Variants in CLEC16A observed in about 807,000 individuals in gnomAD.
CLEC16A encodes protein CLEC16A.
In CLEC16A, 51 loss-of-function variants were observed where a neutral mutation model predicts 109.5. The ratio of observed to expected loss-of-function variants is 0.47; its 90% CI spans 0.37 to 0.59. CLEC16A has a LOEUF of 0.59. Ranked by LOEUF, CLEC16A falls within the 20% of genes least tolerant of loss-of-function variation. The pLI, the probability that CLEC16A is intolerant of heterozygous loss-of-function variation, is 0.00. For synonymous variants in CLEC16A, 673 were observed against 564.2 expected, an observed-to-expected ratio of 1.19 and a Z score of -2.73; for missense variants, 1,339 against 1,394.0, an observed-to-expected ratio of 0.96 and a Z score of 0.63.
At chr16:11,096,350 GTAAAA>G (rs372005076) in intron 19 of CLEC16A, among the ~76,000 whole-genome samples, 283 of 151,950 alleles carry the variant, frequency 1.9e-3, no homozygotes, top group African/African-American at 6.5e-3. Context: ...GTCTCAAAAA[GTAAAA>G]TAAAATAAAA....
chr16:10,992,716 G>T (rs75206796), intron 10 of CLEC16A, among the ~76,000 whole-genome samples: 196 of 152,010 alleles, frequency 1.3e-3, no homozygotes, highest in African/African-American at 4.5e-3. Context: ...AGTAATTGTT[G>T]AGCCCCTACA....
chr16:11,096,422 G>A (rs963391848), intron 19 of CLEC16A, among the ~76,000 whole-genome samples: 1 of 152,022 alleles, frequency 6.6e-6, no homozygotes, highest in African/African-American at 2.4e-5. Context: ...AGTCACAGTG[G>A]GTATGTTTTC....
At chr16:11,093,382 G>T (rs1296058222) in intron 19 of CLEC16A, among the ~76,000 whole-genome samples, 1 of 152,182 alleles carries the variant, frequency 6.6e-6, no homozygotes, top group Non-Finnish European at 1.5e-5. Context: ...CTCAAAAAGT[G>T]CTTCAAGGCC....
intron 19 of CLEC16A, among the ~76,000 whole-genome samples, chr16:11,105,835 G>A (rs1165319310): frequency 6.6e-6 from 1 of 152,212 alleles, no homozygotes; most frequent in Non-Finnish European, 1.5e-5. Context: ...GTGAGCCAGT[G>A]ACAGATTTAT....
At chr16:10,964,012 C>T (rs979339794) in intron 3 of CLEC16A, among the ~76,000 whole-genome samples, 9 of 152,240 alleles carry the variant, frequency 5.9e-5, no homozygotes, top group African/African-American at 1.7e-4. Flanking sequence ...TCACCAAGCC[C>T]GGGCCCTGCC....
intron 10 of CLEC16A, among the ~76,000 whole-genome samples, chr16:10,998,591 T>C (rs2152742366): frequency 6.6e-6 from 1 of 152,344 alleles, no homozygotes; most frequent in East Asian, 1.9e-4. Flanking sequence ...TGGGTGAGCT[T>C]GCTCTTTCAT....
chr16:11,076,988 G>T (rs1597307838), intron 19 of CLEC16A, among the ~76,000 whole-genome samples: 1 of 152,184 alleles, frequency 6.6e-6, no homozygotes, highest in African/African-American at 2.4e-5. Context: ...CTAAATCCCC[G>T]TTAAAGTTGA....
chr16:11,120,835 C>G, intron 20 of CLEC16A, 69 bp downstream of exon 20: 1 of 1,200,478 alleles, frequency 8.3e-7, no homozygotes, highest in Non-Finnish European at 1.1e-6. Flanking sequence ...CACACACACA[C>G]ACACCACACA....
At position 11,095,434 on chromosome 16, in the gene CLEC16A, T is replaced by A. The variant is rs558991115; in HGVS notation, c.2117-25181T>A. Among the ~76,000 whole-genome samples the A allele has an allele frequency of 3.3e-5, 5 of 152,302 alleles. No individual in the cohort carries two copies. In the East Asian group the frequency reaches 9.6e-4, roughly 29 times the overall value. ...CTCCACGGGCCAGCTCTGGTCTGTG[T>A]GTTGGGAATGACCACTCCAGGAACA... On this transcript the variant is annotated intron_variant, in intron 19 of 23. Transcript: ENST00000409790.
At chr16:11,054,424 G>T (rs1041322070) in intron 18 of CLEC16A, among the ~76,000 whole-genome samples, 3 of 152,222 alleles carry the variant, frequency 2.0e-5, no homozygotes, top group Non-Finnish European at 4.4e-5. Flanking sequence ...ACATGTCACA[G>T]AGTTGCAGGT....
chr16:11,166,423 TC>T lies in CLEC16A; in HGVS notation c.2681del (p.Pro894ArgfsTer46). 1 of 1,605,858 alleles carries T rather than the reference TC, an allele frequency of 6.2e-7. No individual in the cohort carries two copies. The highest frequency in any genetic ancestry group is 8.5e-7 in the Non-Finnish European group (1 of 1,179,664). On this transcript the variant is annotated frameshift_variant, in exon 23 of 24. Transcript: ENST00000409790. LOFTEE classifies it high-confidence loss of function. ...AVAQCINQHSSPSLSSQSPPS... is the reference protein window; with the variant it reads ...AVAQCINQHSXPSLSSQSPPS... ...GGCCCAGTGCATAAACCAGCACAGC[TC>T]CCCGTCCCTGTCCTCACAGTCGCCA...
At chr16:11,093,222 G>T (rs1055196296) in intron 19 of CLEC16A, among the ~76,000 whole-genome samples, 1 of 152,240 alleles carries the variant, frequency 6.6e-6, no homozygotes, top group African/African-American at 2.4e-5. Flanking sequence ...GAGAGAGAAG[G>T]GCAGTAGGCT....
At chr16:11,163,076 CA>C (rs978378470) in intron 22 of CLEC16A, among the ~76,000 whole-genome samples, 3 of 152,168 alleles carry the variant, frequency 2.0e-5, no homozygotes, top group African/African-American at 7.2e-5. Flanking sequence ...CTTCGCAGCC[CA>C]AGTGTGTTTG....
chr16:11,010,287 A>C (rs2045320292), intron 11 of CLEC16A, among the ~76,000 whole-genome samples: 1 of 152,028 alleles, frequency 6.6e-6, no homozygotes, highest in Admixed American at 6.5e-5. Context: ...CATAAACATG[A>C]ATCTCCCTTT....
At chr16:11,146,475 G>A (rs138863678) in intron 22 of CLEC16A, among the ~76,000 whole-genome samples, 1 of 149,608 alleles carries the variant, frequency 6.7e-6, no homozygotes, top group Non-Finnish European at 1.5e-5. Flanking sequence ...TGGATAAATG[G>A]GTAAAGGGGT....
At chr16:11,052,178 C>A (rs757665580) in intron 18 of CLEC16A, among the ~76,000 whole-genome samples, 2 of 152,042 alleles carry the variant, frequency 1.3e-5, no homozygotes, top group Non-Finnish European at 2.9e-5. Flanking sequence ...CCTTTTTTTC[C>A]GAAGCAGGTA....
intron 19 of CLEC16A, among the ~76,000 whole-genome samples, chr16:11,064,453 T>A (rs1276381274): frequency 6.6e-6 from 1 of 152,250 alleles, no homozygotes; most frequent in Non-Finnish European, 1.5e-5. Flanking sequence ...AGAGTCTTCA[T>A]GCCTGTGAGG....
intron 19 of CLEC16A, among the ~76,000 whole-genome samples, chr16:11,074,530 A>G (rs1322971395): frequency 6.6e-6 from 1 of 152,152 alleles, no homozygotes; most frequent in Non-Finnish European, 1.5e-5. Context: ...TGTATTGATT[A>G]TTTGATTGGT....
intron 10 of CLEC16A, among the ~76,000 whole-genome samples, chr16:10,992,037 T>A (rs930370749): frequency 6.6e-6 from 1 of 152,192 alleles, no homozygotes; most frequent in Non-Finnish European, 1.5e-5. Flanking sequence ...TGGCCTGAAA[T>A]TGATTGCCTG....
Sources: allele counts gnomAD v4.1 joint callset (sites outside exome capture counted in the v4.1 genomes callset), GRCh38; gene constraint gnomAD v4.1.1; transcripts MANE v1.5; gene names NCBI Gene and HGNC (gene_info 2026-07-23, HGNC 2026-07-21).